The following ERO1B variants were observed in gnomAD, a reference collection of about 807,000 sequenced individuals.
ERO1B encodes ERO1-like protein beta.
Under a neutral mutation model 75.3 loss-of-function variants are expected in ERO1B, and 49 were observed. The ratio of observed to expected loss-of-function variants is 0.65; its 90% CI spans 0.52 to 0.83. ERO1B has a LOEUF of 0.83. ERO1B is among the 40% of genes least tolerant of loss of function. ERO1B has a pLI of 0.00. For missense variants in ERO1B, 512 were observed against 560.1 expected, an observed-to-expected ratio of 0.91 and a Z score of 0.87; for synonymous variants, 191 against 192.9, an observed-to-expected ratio of 0.99 and a Z score of 0.08.
At chr1:236,234,405 G>C (rs1664488070) in intron 8 of ERO1B, among the ~76,000 whole-genome samples, 1 of 152,194 alleles carries the variant, frequency 6.6e-6, no homozygotes, top group African/African-American at 2.4e-5. Flanking sequence ...AAAAGGTCTG[G>C]AAGAACACCT....
chr1:236,276,046 T>C (rs2102968064), intron 1 of ERO1B, among the ~76,000 whole-genome samples: 1 of 152,230 alleles, frequency 6.6e-6, no homozygotes, highest in Non-Finnish European at 1.5e-5. Context: ...GTGTGCTAGG[T>C]AGAAGAAACA....
intron 4 of ERO1B, among the ~76,000 whole-genome samples, chr1:236,250,615 ATATC>A (rs1257032849): frequency 1.7e-4 from 12 of 69,396 alleles, no homozygotes; most frequent in East Asian, 9.9e-4. Flanking sequence ...ATATATATAT[ATATC>A]AAACGTGTGT....
chr1:236,231,675 G>A (rs1209984565), intron 9 of ERO1B, among the ~76,000 whole-genome samples: 3 of 151,908 alleles, frequency 2.0e-5, no homozygotes, highest in African/African-American at 4.8e-5. Flanking sequence ...TAGAAAAACC[G>A]AACACTCAGA....
intron 5 of ERO1B, among the ~76,000 whole-genome samples, chr1:236,248,403 A>T (rs1223567866): frequency 6.6e-6 from 1 of 151,932 alleles, no homozygotes; most frequent in Non-Finnish European, 1.5e-5. Flanking sequence ...TTAAAAAGAC[A>T]ATCCTAAGAT....
chr1:236,279,332 A>G (rs1665771841), intron 1 of ERO1B, among the ~76,000 whole-genome samples: 1 of 148,174 alleles, frequency 6.7e-6, no homozygotes. Flanking sequence ...GTGAAACCTC[A>G]TCTCTACTAA....
At chr1:236,250,194 G>A (rs929094048) in intron 4 of ERO1B, among the ~76,000 whole-genome samples, 3 of 152,096 alleles carry the variant, frequency 2.0e-5, no homozygotes, top group Non-Finnish European at 2.9e-5. Flanking sequence ...CAATTAGGCT[G>A]GGTGCAGTGG....
At chr1:236,271,770 TTTTTG>T (rs1190989250) in intron 1 of ERO1B, among the ~76,000 whole-genome samples, 16 of 152,182 alleles carry the variant, frequency 1.1e-4, no homozygotes, top group East Asian at 9.6e-4. Context: ...ATAAATCTTG[TTTTTG>T]TTTTGTTATC....
intron 5 of ERO1B, among the ~76,000 whole-genome samples, chr1:236,247,105 C>T (rs1049465443): frequency 6.6e-6 from 1 of 152,140 alleles, no homozygotes; most frequent in Non-Finnish European, 1.5e-5. Context: ...AGCCTAGTCC[C>T]TAGATCATTC....
chr1:236,228,085 CCTCT>C (rs773943231), intron 10 of ERO1B, among the ~76,000 whole-genome samples: 1 of 152,070 alleles, frequency 6.6e-6, no homozygotes, highest in Non-Finnish European at 1.5e-5. Flanking sequence ...TTCTTCCCAA[CCTCT>C]CTCTCTAAGC....
chr1:236,223,889 T>C (rs1664217370), intron 13 of ERO1B, among the ~76,000 whole-genome samples: 1 of 152,164 alleles, frequency 6.6e-6, no homozygotes. Context: ...AAAATATAGT[T>C]GTGACTAAAT....
At chr1:236,222,031 T>G (rs771760063) in intron 13 of ERO1B, 21 bp from the exon 14 acceptor site, 6 of 1,584,300 alleles carry the variant, frequency 3.8e-6, no homozygotes, top group Non-Finnish European at 5.2e-6. Flanking sequence ...GAAAATATTT[T>G]CAGTCTAATT....
At position 236,239,911 on chromosome 1, in the gene ERO1B, A is replaced by ATTTTTTT. The variant is rs1218642025; in HGVS notation, c.505+3504_505+3510dup. On this transcript the variant is annotated intron_variant, in intron 6 of 15. Transcript: ENST00000354619. ...TGTGTGTATATATATATATATATAT[A>ATTTTTTT]TTTTTTTTTTTTGCGATGAGGCTGA... is the stretch of plus-strand genomic sequence containing the variant. Among the ~76,000 whole-genome samples, 16 of 106,950 alleles carry ATTTTTTT rather than the reference A, an allele frequency of 1.5e-4. No individual in the cohort carries two copies. In the East Asian group the frequency reaches 4.5e-3, roughly 30 times the overall value. The allele number at this position is 106,950 out of a possible 152,430, so 70.2% of individuals were successfully genotyped here. A position where few individuals can be genotyped will look rare whatever the true frequency, so the allele number is the denominator to read the frequency against.
intron 13 of ERO1B, among the ~76,000 whole-genome samples, chr1:236,223,250 T>G (rs1749558): frequency 0.47 from 70,126 of 150,026 alleles, 17,146 homozygotes; most frequent in East Asian, 0.88. Context: ...CTGGGGAAAT[T>G]CTTCTGCCTA....
chr1:236,232,488 A>ATG (rs1664432365), intron 9 of ERO1B, among the ~76,000 whole-genome samples: 1 of 152,204 alleles, frequency 6.6e-6, no homozygotes, highest in Non-Finnish European at 1.5e-5. Context: ...GAAAATAAAG[A>ATG]GGTCACAAGA....
At chr1:236,259,625 T>C (rs1665246442) in intron 2 of ERO1B, among the ~76,000 whole-genome samples, 2 of 152,200 alleles carry the variant, frequency 1.3e-5, no homozygotes, top group South Asian at 2.1e-4. Context: ...AAGTCAAACA[T>C]GTAAAAAGAG....
At chr1:236,278,392 C>G (rs1665753961) in intron 1 of ERO1B, among the ~76,000 whole-genome samples, 1 of 151,868 alleles carries the variant, frequency 6.6e-6, no homozygotes. Context: ...CAAACAGCTA[C>G]ATCCTCAATA....
In ERO1B at chr1:236,252,944, T is replaced by C. The variant is rs936050945; in HGVS notation, c.306+478A>G. ...CAAAGTCTAAAATGTAGCATTCTCT[T>C]GGTATTAAGTATAGGTTTTTTTTTA... is the stretch of plus-strand genomic sequence containing the variant. On this transcript the variant is annotated intron_variant, in intron 3 of 15. Transcript: ENST00000354619. Among the ~76,000 whole-genome samples the C allele has an allele frequency of 2.8e-5, 4 of 145,160 alleles. No homozygotes were observed. The Admixed American group carries it at 2.8e-4, about 10-fold the overall frequency.
intron 2 of ERO1B, among the ~76,000 whole-genome samples, chr1:236,254,178 G>T (rs1356828239): frequency 6.6e-6 from 1 of 152,132 alleles, no homozygotes; most frequent in Non-Finnish European, 1.5e-5. Context: ...TTTAACCATG[G>T]TAAAAAAGCT....
chr1:236,273,810 G>GAAAAAAAAAA (rs71176476), intron 1 of ERO1B, among the ~76,000 whole-genome samples: 1 of 102,732 alleles, frequency 9.7e-6, no homozygotes. Context: ...TGTCTCAAAA[G>GAAAAAAAAAA]AAAAAAAAAA....
Sources: gnomAD v4.1 joint callset for allele counts (sites outside exome capture counted in the v4.1 genomes callset) on GRCh38, gnomAD v4.1.1 for gene constraint, MANE v1.5 for transcripts, NCBI Gene and HGNC (gene_info 2026-07-23, HGNC 2026-07-21) for gene names.